SCRG1: variants seen among roughly 807,000 people sequenced by gnomAD.
The protein encoded by SCRG1 is scrapie-responsive protein 1.
SCRG1 carries 3 observed loss-of-function variants against 7.7 expected under a neutral mutation model. That is an observed-to-expected ratio of 0.39 (90% CI 0.18 to 1.01). The LOEUF (loss-of-function observed/expected upper bound fraction) is 1.01, where lower values mean the gene tolerates loss of function less well. SCRG1 is among the 50% of genes least tolerant of loss of function. The pLI is 0.36. For missense variants in SCRG1, 110 were observed against 117.2 expected, an observed-to-expected ratio of 0.94 and a Z score of 0.28; for synonymous variants, 46 against 41.2, an observed-to-expected ratio of 1.12 and a Z score of -0.44.
At chr4:173,458,797 A>C in the SCRG1 span, among the ~76,000 whole-genome samples, 1 of 152,072 alleles carries the variant, frequency 6.6e-6, no homozygotes, top group African/African-American at 2.4e-5. Context: ...TCCCCACTTA[A>C]AAGATACAGA....
rs570365930 is a variant in SCRG1 at position 173,391,483 on chromosome 4, T to G, written c.-14-55A>C. 1,084 of 1,570,432 alleles carry G rather than the reference T, an allele frequency of 6.9e-4. 7 individuals are homozygous for G. The South Asian group carries it at 0.012, about 17-fold the overall frequency. ...AATGTTTGTTTTTTAAAGATAGAAT[T>G]CATCTGAATGAAGTTCTGTAGCATG... is the stretch of plus-strand genomic sequence containing the variant. On this transcript the variant is annotated intron_variant, in intron 1 of 2. Coordinates refer to ENST00000296506, the MANE Select transcript of SCRG1 (RefSeq NM_007281.4).
chr4:173,490,619 C>T, the SCRG1 span, among the ~76,000 whole-genome samples: 22 of 152,322 alleles, frequency 1.4e-4, no homozygotes, highest in East Asian at 2.3e-3. Flanking sequence ...GTTAGGATTA[C>T]CATTGCTTAA....
chr4:173,402,625 C>T (rs1306804062), upstream of SCRG1, among the ~76,000 whole-genome samples: 1 of 152,162 alleles, frequency 6.6e-6, no homozygotes. Context: ...AGTTCTTCCT[C>T]TGATGTCCAC....
the SCRG1 span, among the ~76,000 whole-genome samples, chr4:173,513,320 A>T: frequency 6.6e-6 from 1 of 152,120 alleles, no homozygotes; most frequent in Non-Finnish European, 1.5e-5. Flanking sequence ...ATTTGTCCCT[A>T]TCTTCTCTTT....
chr4:173,391,899 G>T (rs1739459477), intron 1 of SCRG1, among the ~76,000 whole-genome samples: 1 of 152,184 alleles, frequency 6.6e-6, no homozygotes, highest in Admixed American at 6.5e-5. Flanking sequence ...GGCAGAGTGA[G>T]ACCTTGACAC....
At chr4:173,397,052 C>CA (rs1560832522) in intron 1 of SCRG1, among the ~76,000 whole-genome samples, 3 of 151,756 alleles carry the variant, frequency 2.0e-5, no homozygotes, top group Admixed American at 6.6e-5. Flanking sequence ...GACTCCGTCT[C>CA]AAAAAAATGA....
chr4:173,477,252 A>G, the SCRG1 span, among the ~76,000 whole-genome samples: 2 of 152,226 alleles, frequency 1.3e-5, no homozygotes, highest in African/African-American at 4.8e-5. Flanking sequence ...CCCTGCCACA[A>G]TGAGGGGCTG....
the SCRG1 span, among the ~76,000 whole-genome samples, chr4:173,456,769 TAGAA>T: frequency 6.6e-6 from 1 of 151,744 alleles, no homozygotes; most frequent in African/African-American, 2.4e-5. Context: ...AAAAAAAAAG[TAGAA>T]AGAGTAGGAA....
At chr4:173,434,362 G>T in the SCRG1 span, among the ~76,000 whole-genome samples, 1 of 152,110 alleles carries the variant, frequency 6.6e-6, no homozygotes, top group East Asian at 1.9e-4. Flanking sequence ...TTAGTAAAAA[G>T]GGAACTAAAG....
chr4:173,485,063 TATATATTATATATTATATA>T, the SCRG1 span, among the ~76,000 whole-genome samples: 2 of 6,722 alleles, frequency 3.0e-4, no homozygotes, highest in African/African-American at 3.8e-4. Flanking sequence ...TATTATATAT[TATATATTATATATTATATA>T]ATATATTATA....
chr4:173,437,885 A>G, the SCRG1 span, among the ~76,000 whole-genome samples: 3 of 152,204 alleles, frequency 2.0e-5, no homozygotes, highest in Admixed American at 1.3e-4. Flanking sequence ...AAGATGCACA[A>G]AGAGAGAACG....
upstream of SCRG1, among the ~76,000 whole-genome samples, chr4:173,408,983 C>T (rs1425660051): frequency 3.4e-5 from 4 of 117,140 alleles, no homozygotes; most frequent in South Asian, 1.1e-3. Flanking sequence ...AAGAGCAAGA[C>T]TCAGTCTCAA....
chr4:173,424,176 G>A, the SCRG1 span, among the ~76,000 whole-genome samples: 4 of 152,112 alleles, frequency 2.6e-5, no homozygotes, highest in Non-Finnish European at 4.4e-5. Flanking sequence ...GAAGTTTTTA[G>A]GGAAAAACTT....
the SCRG1 span, among the ~76,000 whole-genome samples, chr4:173,471,474 T>A: frequency 6.6e-6 from 1 of 152,172 alleles, no homozygotes; most frequent in East Asian, 1.9e-4. Context: ...AATAATCTTG[T>A]CTTAAGTTTC....
At chr4:173,486,412 C>G in the SCRG1 span, among the ~76,000 whole-genome samples, 43 of 152,212 alleles carry the variant, frequency 2.8e-4, 1 homozygote, top group African/African-American at 1.0e-3. Context: ...GGCCATGTAT[C>G]GTAGGCTTTC....
upstream of SCRG1, among the ~76,000 whole-genome samples, chr4:173,409,623 C>T (rs1022780551): frequency 2.9e-5 from 4 of 139,984 alleles, no homozygotes; most frequent in East Asian, 8.4e-4. Flanking sequence ...GAGTCTCGCT[C>T]TGTTGCCCAT....
At chr4:173,421,839 T>C in the SCRG1 span, among the ~76,000 whole-genome samples, 184 of 152,268 alleles carry the variant, frequency 1.2e-3, no homozygotes, top group Middle Eastern at 6.8e-3. Flanking sequence ...CTCTAAAAGA[T>C]TATGGAAGTT....
the SCRG1 span, among the ~76,000 whole-genome samples, chr4:173,504,326 G>A: frequency 4.6e-5 from 7 of 152,290 alleles, no homozygotes; most frequent in Admixed American, 6.5e-5. This position sits in a 1 kb window ranked among gnomAD's most constrained non-coding sequence, Gnocchi z 4.7. Context: ...TCCGGTAGCC[G>A]TATGGGGGAG....
chr4:173,489,560 C>T, the SCRG1 span, among the ~76,000 whole-genome samples: 4 of 151,648 alleles, frequency 2.6e-5, no homozygotes, highest in Non-Finnish European at 4.4e-5. Flanking sequence ...ACAAGCAATA[C>T]AATCAATCTT....
Sources: allele counts gnomAD v4.1 joint callset (sites outside exome capture counted in the v4.1 genomes callset), GRCh38; gene constraint gnomAD v4.1.1; non-coding constraint Gnocchi (gnomAD v3.1); transcripts MANE v1.5; gene names NCBI Gene and HGNC (gene_info 2026-07-23, HGNC 2026-07-21).